GMDS: variants seen among roughly 807,000 people sequenced by gnomAD.
GMDS encodes GDP-mannose 4,6 dehydratase.
Under a neutral mutation model 49.9 loss-of-function variants are expected in GMDS, and 20 were observed. That is an observed-to-expected ratio of 0.40 (90% CI 0.28 to 0.58). The LOEUF (loss-of-function observed/expected upper bound fraction) is 0.58, where lower values mean the gene tolerates loss of function less well. Among genes scored for constraint, GMDS ranks in the 20% least tolerant of loss-of-function variants. The pLI is 0.42. For synonymous variants in GMDS, 177 were observed against 178.6 expected (o/e 0.99, Z 0.07); for missense variants, 362 against 481.4 (o/e 0.75, Z 2.32).
chr6:1,924,983 T>C, intron 7 of GMDS, among the ~76,000 whole-genome samples: 1 of 146,114 alleles, frequency 6.8e-6, no homozygotes, highest in East Asian at 2.0e-4. Flanking sequence ...AACTGCTATC[T>C]ATACCCCATA....
chr6:1,828,755 C>G (rs1270526682), intron 7 of GMDS, among the ~76,000 whole-genome samples: 1 of 152,124 alleles, frequency 6.6e-6, no homozygotes, highest in Non-Finnish European at 1.5e-5. Context: ...AGTTCATTAC[C>G]ACTATACCTC....
chr6:1,922,350 A>G (rs1477758688), intron 7 of GMDS, among the ~76,000 whole-genome samples: 1 of 152,192 alleles, frequency 6.6e-6, no homozygotes, highest in Non-Finnish European at 1.5e-5. Flanking sequence ...CTAACACTTT[A>G]GACAATGGAA....
At chr6:1,801,739 A>C (rs1015284990) in intron 7 of GMDS, among the ~76,000 whole-genome samples, 1 of 152,250 alleles carries the variant, frequency 6.6e-6, no homozygotes, top group African/African-American at 2.4e-5. Context: ...TGTTTTCCGC[A>C]CACAGAGGGC....
At chr6:2,016,957 A>T (rs1561978180) in intron 4 of GMDS, among the ~76,000 whole-genome samples, 1 of 152,190 alleles carries the variant, frequency 6.6e-6, no homozygotes, top group African/African-American at 2.4e-5. Context: ...GAGCAGAAAG[A>T]TCTAAAACAC....
intron 1 of GMDS, among the ~76,000 whole-genome samples, chr6:2,171,434 C>G (rs115091910): frequency 6.6e-6 from 1 of 152,074 alleles, no homozygotes; most frequent in Admixed American, 6.6e-5. Flanking sequence ...CCCGAACAGA[C>G]AAGCAAATGG....
chr6:1,652,413 AT>A lies in GMDS; in HGVS notation c.988-27874del, dbSNP rs1763689629. The stretch of plus-strand genomic sequence containing the variant: ...TATATTATATATATATATATATTAT[AT>A]ATAATATATATATAATATATTATAT... On this transcript the variant is annotated intron_variant, in intron 9 of 10. Transcript: ENST00000380815. Among the ~76,000 whole-genome samples, 2 of 29,554 alleles carry A rather than the reference AT, an allele frequency of 6.8e-5. 1 individual carries two copies. Among genetic ancestry groups the A allele is most frequent in the Non-Finnish European group, 1.2e-4 (2 of 16,968 alleles). 19.4% of individuals were successfully genotyped at this position (29,554 alleles called of 152,430 possible).
chr6:1,708,261 G>C (rs893770310), intron 9 of GMDS, among the ~76,000 whole-genome samples: 3 of 152,180 alleles, frequency 2.0e-5, no homozygotes. Context: ...GAAACAACTC[G>C]AAGGCTGTAA....
At chr6:1,862,936 C>G (rs1373368333) in intron 7 of GMDS, among the ~76,000 whole-genome samples, 1 of 151,948 alleles carries the variant, frequency 6.6e-6, no homozygotes, top group African/African-American at 2.4e-5. Flanking sequence ...AGAAAACATC[C>G]CAAAAATTGG....
At chr6:1,734,189 T>C (rs1412424171) in intron 8 of GMDS, among the ~76,000 whole-genome samples, 1 of 152,232 alleles carries the variant, frequency 6.6e-6, no homozygotes, top group Admixed American at 6.5e-5. Context: ...TTCTTCCATC[T>C]TATTTATGAT....
At chr6:1,789,694 C>T (rs984377397) in intron 7 of GMDS, among the ~76,000 whole-genome samples, 1 of 152,014 alleles carries the variant, frequency 6.6e-6, no homozygotes, top group Admixed American at 6.6e-5. Context: ...TGCCACCACA[C>T]TTGGCTAATT....
At chr6:1,801,574 T>C (rs1246951364) in intron 7 of GMDS, among the ~76,000 whole-genome samples, 1 of 152,140 alleles carries the variant, frequency 6.6e-6, no homozygotes, top group Admixed American at 6.5e-5. Flanking sequence ...CCCACCTCAC[T>C]CCCGTCGGAG....
intron 4 of GMDS, among the ~76,000 whole-genome samples, chr6:1,964,717 A>C (rs145448425): frequency 6.6e-6 from 1 of 152,292 alleles, no homozygotes; most frequent in African/African-American, 2.4e-5. Context: ...GTTTTGGGGT[A>C]CATGTGCACA....
At chr6:2,172,899 A>G (rs1306177590) in intron 1 of GMDS, among the ~76,000 whole-genome samples, 1 of 152,198 alleles carries the variant, frequency 6.6e-6, no homozygotes, top group African/African-American at 2.4e-5. Flanking sequence ...TTTTAAAAAT[A>G]TATCTTCCTT....
intron 7 of GMDS, among the ~76,000 whole-genome samples, chr6:1,749,773 G>C (rs1489963613): frequency 6.6e-6 from 1 of 152,098 alleles, no homozygotes; most frequent in African/African-American, 2.4e-5. Context: ...TAGCCTGTGT[G>C]TATAGTTCCT....
At chr6:1,702,380 G>C (rs567435774) in intron 9 of GMDS, among the ~76,000 whole-genome samples, 4 of 152,328 alleles carry the variant, frequency 2.6e-5, no homozygotes, top group Admixed American at 6.5e-5. Context: ...CTCTCACCCA[G>C]AGTCTTGATT....
intron 6 of GMDS, 173 bp downstream of exon 6, chr6:1,959,694 T>C: frequency 2.5e-6 from 1 of 401,300 alleles, no homozygotes; most frequent in Admixed American, 4.3e-5. Flanking sequence ...AAAATAAAAT[T>C]ACAAAAAACT....
chr6:1,719,305 G>A (rs1349560780), intron 9 of GMDS, among the ~76,000 whole-genome samples: 2 of 152,008 alleles, frequency 1.3e-5, no homozygotes. Context: ...ACAGGTGTGG[G>A]CAGTGAGGTG....
intron 4 of GMDS, among the ~76,000 whole-genome samples, chr6:2,095,324 A>C (rs1773533099): frequency 4.6e-5 from 7 of 152,328 alleles, no homozygotes. Context: ...AGTAACTAAA[A>C]TACTCAGTGG....
chr6:2,157,827 A>T (rs1291972210), intron 1 of GMDS, among the ~76,000 whole-genome samples: 2 of 152,210 alleles, frequency 1.3e-5, no homozygotes, highest in Non-Finnish European at 2.9e-5. Context: ...GTTTCAGCCT[A>T]AACTAATGCT....
Sources: gnomAD v4.1 joint callset for allele counts (sites outside exome capture counted in the v4.1 genomes callset) on GRCh38, gnomAD v4.1.1 for gene constraint, MANE v1.5 for transcripts, NCBI Gene and HGNC (gene_info 2026-07-23, HGNC 2026-07-21) for gene names.